The following MAGI2 variants were observed in gnomAD, a reference collection of about 807,000 sequenced individuals.
The protein encoded by MAGI2 is membrane-associated guanylate kinase, WW and PDZ domain-containing protein 2.
Under a neutral mutation model 133.3 loss-of-function variants are expected in MAGI2, and 35 were observed. The observed-to-expected ratio is 0.26, with a 90% CI of 0.20 to 0.35. MAGI2 has a LOEUF of 0.35. Among genes scored for constraint, MAGI2 ranks in the 10% least tolerant of loss-of-function variants. The pLI, the probability that MAGI2 is intolerant of heterozygous loss-of-function variation, is 1.00. For missense variants in MAGI2, 1,636 were observed against 1,863.4 expected, an observed-to-expected ratio of 0.88 and a Z score of 2.25; for synonymous variants, 729 against 710.6, an observed-to-expected ratio of 1.03 and a Z score of -0.41.
chr7:79,024,203 T>C (rs971130983), intron 1 of MAGI2, among the ~76,000 whole-genome samples: 2 of 152,078 alleles, frequency 1.3e-5, no homozygotes, highest in South Asian at 2.1e-4. Flanking sequence ...ATCTGATCTT[T>C]GAGAAAATCC....
intron 10 of MAGI2, chr7:78,254,561 C>T (rs1344758787): frequency 6.6e-6 from 1 of 152,148 alleles, no homozygotes; most frequent in Non-Finnish European, 1.5e-5. Flanking sequence ...ATATGAATTT[C>T]CCTTTTAGTA....
intron 1 of MAGI2, among the ~76,000 whole-genome samples, chr7:79,202,342 T>G (rs1370838665): frequency 6.6e-6 from 1 of 151,970 alleles, no homozygotes; most frequent in East Asian, 1.9e-4. Flanking sequence ...TAATTGGGAA[T>G]GAGGAAGCCT....
At chr7:78,860,640 T>A (rs1584188864) in intron 2 of MAGI2, among the ~76,000 whole-genome samples, 1 of 151,980 alleles carries the variant, frequency 6.6e-6, no homozygotes, top group South Asian at 2.1e-4. Context: ...CTGTATGAGG[T>A]GTCATTCGGC....
intron 20 of MAGI2, among the ~76,000 whole-genome samples, chr7:78,111,547 T>C (rs549777800): frequency 6.6e-6 from 1 of 152,302 alleles, no homozygotes; most frequent in South Asian, 2.1e-4. Flanking sequence ...CCCTGAATAA[T>C]TGACAATGGA....
chr7:79,350,774 C>T (rs1416989940), intron 1 of MAGI2, among the ~76,000 whole-genome samples: 1 of 152,042 alleles, frequency 6.6e-6, no homozygotes, highest in Non-Finnish European at 1.5e-5. Context: ...AATCACATCT[C>T]TTTGTTTTTC....
intron 2 of MAGI2, among the ~76,000 whole-genome samples, chr7:79,005,688 A>G (rs1024679585): frequency 6.6e-5 from 10 of 152,164 alleles, no homozygotes; most frequent in Admixed American, 6.6e-5. Flanking sequence ...TCATGTCACA[A>G]AAGATAAATT....
At chr7:79,199,965 ATTC>A (rs1828442586) in intron 1 of MAGI2, among the ~76,000 whole-genome samples, 1 of 151,880 alleles carries the variant, frequency 6.6e-6, no homozygotes, top group African/African-American at 2.4e-5. Flanking sequence ...TATATCACTA[ATTC>A]TTAGACTACA....
chr7:79,292,111 AT>A (rs1298796202), intron 1 of MAGI2, among the ~76,000 whole-genome samples: 1 of 152,040 alleles, frequency 6.6e-6, no homozygotes, highest in Non-Finnish European at 1.5e-5. Flanking sequence ...CAGCAGCTTC[AT>A]TTTTTTACAT....
At chr7:78,850,416 C>T (rs73143027) in intron 2 of MAGI2, among the ~76,000 whole-genome samples, 9,601 of 152,116 alleles carry the variant, frequency 0.063, 368 homozygotes, top group Middle Eastern at 0.11. Context: ...GAAACGATGG[C>T]ATTATTATAA....
At chr7:79,348,272 A>G (rs1841458260) in intron 1 of MAGI2, among the ~76,000 whole-genome samples, 1 of 151,916 alleles carries the variant, frequency 6.6e-6, no homozygotes, top group African/African-American at 2.4e-5. Flanking sequence ...GTTTAATTAC[A>G]CAAATAAAGA....
At chr7:78,526,332 T>C (rs905603542) in intron 3 of MAGI2, among the ~76,000 whole-genome samples, 1 of 152,226 alleles carries the variant, frequency 6.6e-6, no homozygotes, top group Non-Finnish European at 1.5e-5. Flanking sequence ...TTTTTTTCCA[T>C]CCAGTCCTTT....
In MAGI2 at chr7:78,343,970, C is replaced by A. The variant is rs777143372; in HGVS notation, c.1226-10G>T. 1.2e-6 allele frequency: 2 copies of A among 1,600,922 alleles called. No homozygotes were observed. Among genetic ancestry groups the A allele is most frequent in the Non-Finnish European group, 1.7e-6 (2 of 1,175,780 alleles). ...GTGAAGAGTGGTTTTTCTACATTGG[C>A]CAATATAAGTTAAAAAAGAAAAAGG... On this transcript the variant is annotated splice_polypyrimidine_tract_variant and intron_variant, in intron 8 of 21. Coordinates refer to ENST00000354212, the MANE Select transcript of MAGI2 (RefSeq NM_012301.4).
At chr7:78,084,356 C>T (rs1275042965) in intron 20 of MAGI2, among the ~76,000 whole-genome samples, 1 of 152,204 alleles carries the variant, frequency 6.6e-6, no homozygotes, top group African/African-American at 2.4e-5. Flanking sequence ...GGGAACACAC[C>T]TATTGTCTCT....
At chr7:78,549,232 G>T (rs1326263501) in intron 3 of MAGI2, among the ~76,000 whole-genome samples, 1 of 152,034 alleles carries the variant, frequency 6.6e-6, no homozygotes, top group Non-Finnish European at 1.5e-5. Context: ...GAGCTGGCCT[G>T]CTATTCCCAG....
At chr7:78,128,038 G>A (rs1486594854) in intron 18 of MAGI2, among the ~76,000 whole-genome samples, 6 of 152,054 alleles carry the variant, frequency 3.9e-5, no homozygotes, top group Admixed American at 3.3e-4. Flanking sequence ...TGGTAAAATT[G>A]GAAACATATT....
At chr7:78,326,928 T>TTC (rs370566870) in intron 9 of MAGI2, among the ~76,000 whole-genome samples, 1 of 151,744 alleles carries the variant, frequency 6.6e-6, no homozygotes, top group Admixed American at 6.6e-5. Flanking sequence ...AGGAAGATCT[T>TTC]TCTCTCTCTC....
intron 2 of MAGI2, among the ~76,000 whole-genome samples, chr7:78,928,560 A>G (rs1799882556): frequency 6.6e-6 from 1 of 152,068 alleles, no homozygotes. Flanking sequence ...AGCCATGTCT[A>G]AAGATGCTTG....
At chr7:78,358,693 C>T (rs1028642214) in intron 7 of MAGI2, 5 of 217,520 alleles carry the variant, frequency 2.3e-5, no homozygotes, top group East Asian at 3.2e-4. Context: ...GCCTGGCTCA[C>T]GAGGTTGGCT....
chr7:78,024,286 G>A (rs1336090329), intron 21 of MAGI2, among the ~76,000 whole-genome samples: 1 of 152,122 alleles, frequency 6.6e-6, no homozygotes, highest in Non-Finnish European at 1.5e-5. Flanking sequence ...CCTCCTAGGT[G>A]TTTTCATTAT....
Sources: gnomAD v4.1 joint callset for allele counts (sites outside exome capture counted in the v4.1 genomes callset) on GRCh38, gnomAD v4.1.1 for gene constraint, MANE v1.5 for transcripts, NCBI Gene and HGNC (gene_info 2026-07-23, HGNC 2026-07-21) for gene names.